The following C7 variants were observed in gnomAD, a reference collection of about 807,000 sequenced individuals.
C7 encodes the protein complement component C7.
In C7, 83 loss-of-function variants were observed where a neutral mutation model predicts 104.8. The observed-to-expected ratio is 0.79, with a 90% confidence interval of 0.66 to 0.95. The LOEUF (loss-of-function observed/expected upper bound fraction) is 0.95, where lower values mean the gene tolerates loss of function less well. Ranked by LOEUF, C7 falls within the 40% of genes least tolerant of loss-of-function variation. The pLI, the probability that C7 is intolerant of heterozygous loss-of-function variation, is 0.00. For synonymous variants in C7, 415 were observed against 360.6 expected (o/e 1.15, Z -1.71); for missense variants, 1,070 against 1,011.2 (o/e 1.06, Z -0.79).
intron 2 of C7, among the ~76,000 whole-genome samples, chr5:40,930,155 C>T (rs2111576593): frequency 6.6e-6 from 1 of 151,080 alleles, no homozygotes; most frequent in South Asian, 2.1e-4. Context: ...TATTTGTTTA[C>T]ACATCTGTGT....
intron 3 of C7, among the ~76,000 whole-genome samples, chr5:40,933,210 A>G (rs1168189029): frequency 6.6e-6 from 1 of 152,148 alleles, no homozygotes; most frequent in Non-Finnish European, 1.5e-5. Flanking sequence ...AGTTCAAATT[A>G]TGGCCACTGT....
At chr5:40,954,623 C>T (rs1740244937) in intron 9 of C7, among the ~76,000 whole-genome samples, 1 of 151,890 alleles carries the variant, frequency 6.6e-6, no homozygotes, top group African/African-American at 2.4e-5. Context: ...GTGGTTCACA[C>T]CTGTAATCCC....
At chr5:40,939,212 G>C (rs1257825795) in intron 6 of C7, among the ~76,000 whole-genome samples, 1 of 152,156 alleles carries the variant, frequency 6.6e-6, no homozygotes. Context: ...ATTTACCATA[G>C]AATAAGTTAG....
At chr5:40,976,968 G>A (rs1233516800) in intron 16 of C7, 128 bp downstream of exon 16, 6 of 681,558 alleles carry the variant, frequency 8.8e-6, no homozygotes, top group Admixed American at 6.0e-5. Flanking sequence ...TTTGCATTTC[G>A]ATGTAGTCCA....
At chr5:40,910,286 A>G (rs1473048002) in intron 1 of C7, among the ~76,000 whole-genome samples, 1 of 152,244 alleles carries the variant, frequency 6.6e-6, no homozygotes, top group African/African-American at 2.4e-5. Context: ...AAATCTCTGG[A>G]ATGCAAAAAT....
At chr5:40,942,798 C>T (rs1739968395) in intron 6 of C7, among the ~76,000 whole-genome samples, 1 of 149,006 alleles carries the variant, frequency 6.7e-6, no homozygotes, top group African/African-American at 2.5e-5. Context: ...CAGAGTCTTG[C>T]TATGTCACCA....
At chr5:40,918,384 C>A (rs111383070) in intron 1 of C7, among the ~76,000 whole-genome samples, 7,070 of 151,978 alleles carry the variant, frequency 0.047, 566 homozygotes, top group African/African-American at 0.16. Context: ...AATACCACAA[C>A]AACAACAACA....
chr5:40,923,555 G>A (rs1195190447), intron 1 of C7, among the ~76,000 whole-genome samples: 1 of 152,150 alleles, frequency 6.6e-6, no homozygotes, highest in Non-Finnish European at 1.5e-5. Context: ...AGACCAGCCT[G>A]GCCAACATGG....
At chr5:40,965,674 C>T (rs566101204) in intron 14 of C7, among the ~76,000 whole-genome samples, 1 of 144,578 alleles carries the variant, frequency 6.9e-6, no homozygotes, top group African/African-American at 2.6e-5. Flanking sequence ...CAGAGTCTCA[C>T]TCTTTTGCCA....
At chr5:40,957,680 C>G (rs1020469883) in intron 10 of C7, among the ~76,000 whole-genome samples, 1 of 151,964 alleles carries the variant, frequency 6.6e-6, no homozygotes, top group African/African-American at 2.4e-5. Context: ...GTCTTGAACT[C>G]CTGACCTCAG....
At chr5:40,977,961 C>CTTTTGTATTTGT (rs1740853756) in intron 16 of C7, among the ~76,000 whole-genome samples, 1 of 151,852 alleles carries the variant, frequency 6.6e-6, no homozygotes, top group Non-Finnish European at 1.5e-5. Flanking sequence ...TGGTGAAACC[C>CTTTTGTATTTGT]CTTCTCTACA....
rs1441120716 is a variant in C7, at chr5:40,981,722, A to G, written c.*149A>G. The G allele has an allele frequency of 1.7e-6, 1 of 596,454 alleles. No individual in the cohort carries two copies. The highest frequency in any genetic ancestry group is 3.2e-5 in the Admixed American group (1 of 31,504). The allele number at this position is 596,454 out of a possible 1,614,324, so 36.9% of individuals were successfully genotyped here. ...ACTCCCAGCCATCTGTATAAACACAATCCTTTGTTCTCCCAAATCTGAATC... is the reference window on the plus strand; with the variant it reads ...ACTCCCAGCCATCTGTATAAACACAGTCCTTTGTTCTCCCAAATCTGAATC... On this transcript the variant is annotated 3_prime_UTR_variant, in exon 18 of 18. Coordinates refer to ENST00000313164, the MANE Select transcript of C7 (RefSeq NM_000587.4).
chr5:40,968,292 A>C (rs866220154), intron 14 of C7, among the ~76,000 whole-genome samples: 1 of 151,470 alleles, frequency 6.6e-6, no homozygotes, highest in African/African-American at 2.4e-5. Flanking sequence ...CATCTGGCTA[A>C]TTTTTGTATT....
In C7 at chr5:40,972,971, A is replaced by T. The variant is rs577128926; in HGVS notation, c.2074+377A>T. Among the ~76,000 whole-genome samples the T allele has an allele frequency of 3.3e-4, 51 of 152,300 alleles. 1 individual carries two copies. The South Asian group carries it at 8.9e-3, about 27-fold the overall frequency. ...TTCATAAGTACAGAGTTGAGATCAT[A>T]ATTTATTTAAAGTTCTGTATGTTTC... is the stretch of plus-strand genomic sequence containing the variant. On this transcript the variant is annotated intron_variant, in intron 15 of 17. Coordinates refer to ENST00000313164, the MANE Select transcript of C7 (RefSeq NM_000587.4).
chr5:40,910,513 T>A (rs181585432), intron 1 of C7, among the ~76,000 whole-genome samples: 1 of 152,200 alleles, frequency 6.6e-6, no homozygotes, highest in East Asian at 1.9e-4. Flanking sequence ...AGCCATGCCT[T>A]CTGTGAAATT....
intron 3 of C7, 30 bp from the exon 4 acceptor site, chr5:40,934,291 TAAAC>T (rs958263037): frequency 1.1e-5 from 16 of 1,502,296 alleles, no homozygotes; most frequent in East Asian, 9.4e-5. Flanking sequence ...AACAAACAAA[TAAAC>T]AAACAAACCA....
At position 40,983,820 on chromosome 5, in the gene C7, C is replaced by T. The variant is rs1190718590; in HGVS notation, c.*2247C>T. On this transcript the variant is annotated 3_prime_UTR_variant, in exon 18 of 18. Coordinates refer to ENST00000313164, the MANE Select transcript of C7 (RefSeq NM_000587.4). Reference sequence around the variant, plus strand: ...AAAAAGAATAAAGACTGTGAGAATTCCATCTTCCTGCCCTTTCCTGTGCCT... The same window carrying T: ...AAAAAGAATAAAGACTGTGAGAATTTCATCTTCCTGCCCTTTCCTGTGCCT... Among the ~76,000 whole-genome samples, 1 of 152,260 alleles carries T rather than the reference C, an allele frequency of 6.6e-6. No homozygotes were observed. Among genetic ancestry groups the T allele is most frequent in the South Asian group, 2.1e-4 (1 of 4,818 alleles).
chr5:40,920,876 C>A (rs1739424132), intron 1 of C7, among the ~76,000 whole-genome samples: 2 of 152,058 alleles, frequency 1.3e-5, no homozygotes, highest in Non-Finnish European at 1.5e-5. Context: ...TGGGGAAACC[C>A]CATCTCTACT....
chr5:40,968,301 T>C (rs111655231), intron 14 of C7, among the ~76,000 whole-genome samples: 7 of 151,730 alleles, frequency 4.6e-5, no homozygotes, highest in African/African-American at 1.4e-4. Context: ...AATTTTTGTA[T>C]TTTTAGTAAA....
Sources: allele counts gnomAD v4.1 joint callset (sites outside exome capture counted in the v4.1 genomes callset), GRCh38; gene constraint gnomAD v4.1.1; transcripts MANE v1.5; gene names NCBI Gene and HGNC (gene_info 2026-07-23, HGNC 2026-07-21).